Variants in KHDRBS2 observed in about 807,000 individuals in gnomAD.
KHDRBS2 encodes KH RNA binding domain containing, signal transduction associated 2.
In KHDRBS2, 26 loss-of-function variants were observed where a neutral mutation model predicts 44.3. The observed-to-expected ratio is 0.59, with a 90% CI of 0.43 to 0.81. The LOEUF is 0.81. Among genes scored for constraint, KHDRBS2 ranks in the 40% least tolerant of loss-of-function variants. The pLI is 0.00. For synonymous variants in KHDRBS2, 194 were observed against 151.1 expected (o/e 1.28, Z -2.08); for missense variants, 476 against 433.1 (o/e 1.10, Z -0.88).
At chr6:61,779,851 A>G (rs1442439312) in intron 6 of KHDRBS2, among the ~76,000 whole-genome samples, 4 of 152,130 alleles carry the variant, frequency 2.6e-5, no homozygotes, top group Admixed American at 2.6e-4. Flanking sequence ...CATAGATAGA[A>G]TGCATCCAAG....
At chr6:62,261,030 C>A (rs985797990) in intron 1 of KHDRBS2, among the ~76,000 whole-genome samples, 14 of 151,944 alleles carry the variant, frequency 9.2e-5, no homozygotes, top group African/African-American at 2.9e-4. Flanking sequence ...CAATATATTT[C>A]TTTTAGACTA....
At chr6:62,027,559 C>T (rs562876077) in intron 3 of KHDRBS2, among the ~76,000 whole-genome samples, 1 of 152,176 alleles carries the variant, frequency 6.6e-6, no homozygotes, top group East Asian at 1.9e-4. Context: ...GGGCTGATTG[C>T]CAGGGTAATT....
At chr6:61,892,101 C>T (rs1801950123) in intron 6 of KHDRBS2, among the ~76,000 whole-genome samples, 1 of 152,136 alleles carries the variant, frequency 6.6e-6, no homozygotes, top group Non-Finnish European at 1.5e-5. Context: ...TTCGTATACA[C>T]CAATAACAGA....
intron 4 of KHDRBS2, among the ~76,000 whole-genome samples, chr6:61,975,136 T>C (rs1207565101): frequency 1.3e-5 from 2 of 152,212 alleles, no homozygotes; most frequent in Middle Eastern, 3.4e-3. Flanking sequence ...GAGTTCTATG[T>C]TCTAAAGTTG....
At chr6:61,564,005 A>G in the KHDRBS2 span, among the ~76,000 whole-genome samples, 1 of 152,018 alleles carries the variant, frequency 6.6e-6, no homozygotes, top group Non-Finnish European at 1.5e-5. Flanking sequence ...TTCATGTAAT[A>G]CTCATCATAT....
chr6:62,030,414 A>G (rs1784135808), intron 3 of KHDRBS2, among the ~76,000 whole-genome samples: 2 of 152,064 alleles, frequency 1.3e-5, no homozygotes, highest in Admixed American at 1.3e-4. Context: ...TCAATTTGGT[A>G]AAACTGTCTA....
the KHDRBS2 span, among the ~76,000 whole-genome samples, chr6:61,668,976 C>A: frequency 0.03 from 4,468 of 150,812 alleles, 231 homozygotes; most frequent in African/African-American, 0.1. Context: ...GGACAATTTC[C>A]CATTTATTTT....
At chr6:62,153,953 G>A (rs1269235743) in intron 2 of KHDRBS2, among the ~76,000 whole-genome samples, 1 of 152,110 alleles carries the variant, frequency 6.6e-6, no homozygotes, top group East Asian at 1.9e-4. Context: ...CACAAAATAG[G>A]CCTCTCTGAA....
chr6:61,898,819 C>T (rs1233784973), intron 5 of KHDRBS2, among the ~76,000 whole-genome samples: 2 of 151,736 alleles, frequency 1.3e-5, no homozygotes, highest in African/African-American at 4.8e-5. Context: ...TTACTTAATA[C>T]TTTTAAGGGA....
At chr6:61,598,203 C>A in the KHDRBS2 span, among the ~76,000 whole-genome samples, 22 of 151,054 alleles carry the variant, frequency 1.5e-4, no homozygotes, top group African/African-American at 4.8e-4. Flanking sequence ...ATATAGGAAA[C>A]AAGATAAATT....
rs540453950 is a variant in KHDRBS2 at position 62,198,597 on chromosome 6, C to T, written c.92-21285G>A. Among the ~76,000 whole-genome samples the T allele has an allele frequency of 1.1e-3, 162 of 152,004 alleles. 1 individual carries two copies. The highest frequency in any genetic ancestry group is 3.6e-3 in the African/African-American group (148 of 41,468). On this transcript the variant is annotated intron_variant, in intron 1 of 8. Coordinates refer to ENST00000281156, the MANE Select transcript of KHDRBS2 (RefSeq NM_152688.4). ...TCTGAAATTGAGGCAATAATTAATA[C>T]CTTACCAACCAAAAAAAGTCCAGGA...
intron 1 of KHDRBS2, among the ~76,000 whole-genome samples, chr6:62,220,726 T>C (rs952093656): frequency 1.1e-4 from 16 of 151,568 alleles, no homozygotes; most frequent in African/African-American, 3.9e-4. Context: ...AAAAATAAAA[T>C]ATTGAAATAA....
chr6:61,609,497 A>G, the KHDRBS2 span, among the ~76,000 whole-genome samples: 5 of 152,216 alleles, frequency 3.3e-5, no homozygotes, highest in African/African-American at 1.2e-4. Flanking sequence ...TCTAGTGCAT[A>G]TAATTTTCAC....
chr6:61,710,376 G>A (rs1024890226), intron 7 of KHDRBS2, among the ~76,000 whole-genome samples: 3 of 151,578 alleles, frequency 2.0e-5, no homozygotes, highest in African/African-American at 4.8e-5. Flanking sequence ...CCATCACTGC[G>A]GCATACTTTG....
At chr6:62,027,911 A>G (rs1339052370) in intron 3 of KHDRBS2, among the ~76,000 whole-genome samples, 1 of 152,028 alleles carries the variant, frequency 6.6e-6, no homozygotes, top group Non-Finnish European at 1.5e-5. Flanking sequence ...TGTTTTCCTG[A>G]GTTCTGTGAG....
chr6:61,634,654 C>A, the KHDRBS2 span, among the ~76,000 whole-genome samples: 1 of 152,026 alleles, frequency 6.6e-6, no homozygotes, highest in Non-Finnish European at 1.5e-5. Context: ...CTACAAACTG[C>A]AGAGCAGTTT....
At chr6:61,893,365 G>C (rs190867768) in intron 6 of KHDRBS2, among the ~76,000 whole-genome samples, 1,549 of 152,290 alleles carry the variant, frequency 0.01, 10 homozygotes, top group Non-Finnish European at 0.016. Context: ...TCTAGAACTA[G>C]AAATACCATT....
At chr6:61,885,696 A>G (rs1435675761) in intron 6 of KHDRBS2, among the ~76,000 whole-genome samples, 2 of 152,180 alleles carry the variant, frequency 1.3e-5, no homozygotes, top group Non-Finnish European at 2.9e-5. Context: ...CATTTGACAC[A>G]AAGGGCAGTG....
chr6:61,894,652 C>T lies in KHDRBS2; in HGVS notation c.793G>A (p.Glu265Lys). The change falls in exon 6 of 9, where the codon GAA (glutamate) becomes AAA (lysine). Residue 265 changes from glutamate (E) to lysine (K), a missense_variant. Transcript: ENST00000281156. The part of the protein sequence containing the change: ...GYRAPPPPAH[E>K]AYEEYGYDDG... ...GTACTTACATATTCTTCATAAGCTTCATGGGCTGGAGGAGGAGGTGCCCTG... is the reference window on the plus strand; with the variant it reads ...GTACTTACATATTCTTCATAAGCTTTATGGGCTGGAGGAGGAGGTGCCCTG... The T allele has an allele frequency of 1.9e-6, 3 of 1,611,776 alleles. No homozygotes were observed. Among genetic ancestry groups the T allele is most frequent in the Non-Finnish European group, 2.5e-6 (3 of 1,179,310 alleles).
Sources: gnomAD v4.1 joint callset for allele counts (sites outside exome capture counted in the v4.1 genomes callset) on GRCh38, gnomAD v4.1.1 for gene constraint, MANE v1.5 for transcripts, NCBI Gene and HGNC (gene_info 2026-07-23, HGNC 2026-07-21) for gene names.